The following PRRX1 variants were observed in gnomAD, a reference collection of about 807,000 sequenced individuals.
PRRX1 encodes the protein paired mesoderm homeobox protein 1.
In PRRX1, 8 loss-of-function variants were observed where a neutral mutation model predicts 24.0. The ratio of observed to expected loss-of-function variants is 0.33; its 90% CI spans 0.20 to 0.60. The LOEUF is 0.60. Among genes scored for constraint, PRRX1 ranks in the 20% least tolerant of loss-of-function variants. The pLI is 0.82. For synonymous variants in PRRX1, 160 were observed against 131.7 expected (o/e 1.22, Z -1.47); for missense variants, 281 against 322.4 (o/e 0.87, Z 0.98).
chr1:170,697,974 C>G (rs1371171694), intron 1 of PRRX1, among the ~76,000 whole-genome samples: 1 of 151,646 alleles, frequency 6.6e-6, no homozygotes, highest in African/African-American at 2.4e-5. Context: ...ACCTCCCCAT[C>G]ATCATCATCT....
chr1:170,701,933 T>C (rs1329973691), intron 1 of PRRX1, among the ~76,000 whole-genome samples: 2 of 151,334 alleles, frequency 1.3e-5, no homozygotes, highest in Admixed American at 1.3e-4. Flanking sequence ...GATAGCACTA[T>C]AGAACAACAG....
At chr1:170,666,051 C>A (rs1652914561) in intron 1 of PRRX1, among the ~76,000 whole-genome samples, 2 of 152,234 alleles carry the variant, frequency 1.3e-5, no homozygotes, top group Non-Finnish European at 2.9e-5. Context: ...CATAGGCACT[C>A]TTAGTTCTAA....
At chr1:170,671,240 T>C (rs1217583578) in intron 1 of PRRX1, among the ~76,000 whole-genome samples, 2 of 152,208 alleles carry the variant, frequency 1.3e-5, no homozygotes, top group South Asian at 2.1e-4. Context: ...AAAGTTGACA[T>C]AGGAGTCGGA....
At chr1:170,734,472 T>G (rs1655542728) in intron 3 of PRRX1, among the ~76,000 whole-genome samples, 1 of 152,140 alleles carries the variant, frequency 6.6e-6, no homozygotes, top group Non-Finnish European at 1.5e-5. Context: ...AATTATTAAC[T>G]AAACTTGAAT....
chr1:170,704,098 A>G (rs1285050144), intron 1 of PRRX1, among the ~76,000 whole-genome samples: 1 of 152,258 alleles, frequency 6.6e-6, no homozygotes, highest in African/African-American at 2.4e-5. Flanking sequence ...GTTAAACTAG[A>G]TAAATATAAC....
chr1:170,695,499 G>T (rs1361217605), intron 1 of PRRX1, among the ~76,000 whole-genome samples: 1 of 152,250 alleles, frequency 6.6e-6, no homozygotes, highest in South Asian at 2.1e-4. Flanking sequence ...AATTGTCCAG[G>T]GGTAGAAAGG....
Position 170,668,620 on chromosome 1 carries a change from C to A in PRRX1, c.241+4161C>A, listed in dbSNP as rs569883343. On this transcript the variant is annotated intron_variant, in intron 1 of 3. Transcript: ENST00000239461. ...AATTGCTTGCCCAATCTACCAGCCA[C>A]ACTCTCTCGGGACCTTGCCCCGCCA... is the stretch of plus-strand genomic sequence containing the variant. 7 of 152,358 alleles carry A rather than the reference C, an allele frequency of 4.6e-5. No homozygotes were observed. In the South Asian group the frequency reaches 1.2e-3, roughly 27 times the overall value. 9.4% of individuals were successfully genotyped at this position (152,358 alleles called of 1,614,324 possible). A position where few individuals can be genotyped will look rare whatever the true frequency, so the allele number is the denominator to read the frequency against.
Position 170,709,051 on chromosome 1 carries a change from G to A in PRRX1, c.242-10675G>A, listed in dbSNP as rs145090410. ...ATATGGAAGACTAATGTCAGGTGCC[G>A]GGATAGCACAGTTAACAAGTCAGGT... On this transcript the variant is annotated intron_variant, in intron 1 of 3. Transcript: ENST00000239461. 8.9e-4 allele frequency among the ~76,000 whole-genome samples: 135 copies of A among 152,266 alleles called. 3 individuals carry two copies. Among genetic ancestry groups the A allele is most frequent in the Non-Finnish European group, 8.5e-4 (58 of 68,030 alleles).
intron 1 of PRRX1, among the ~76,000 whole-genome samples, chr1:170,671,387 T>A (rs975637959): frequency 6.6e-6 from 1 of 152,248 alleles, no homozygotes; most frequent in African/African-American, 2.4e-5. Flanking sequence ...GTGTGGTCTC[T>A]GCCTCGGCAA....
intron 3 of PRRX1, among the ~76,000 whole-genome samples, chr1:170,734,833 T>C (rs1230593644): frequency 6.6e-6 from 1 of 152,198 alleles, no homozygotes; most frequent in African/African-American, 2.4e-5. Context: ...TTATGAGTTT[T>C]GACTCCGTGG....
intron 1 of PRRX1, among the ~76,000 whole-genome samples, chr1:170,709,413 G>C (rs1260203019): frequency 6.6e-6 from 1 of 152,162 alleles, no homozygotes; most frequent in Non-Finnish European, 1.5e-5. Context: ...AACTAGAGTG[G>C]AGTGATTGGG....
rs760448348 is a variant in PRRX1, at chr1:170,736,129, G to C, written c.681G>C (p.Leu227=). Residue 227 remains leucine, a synonymous_variant, in exon 4 of 4, where the codon CTG becomes CTC. Coordinates refer to ENST00000239461, the MANE Select transcript of PRRX1 (RefSeq NM_022716.4). ...GINMANSIAN[L]RLKAKEYSLQ... ...ACATGGCCAACAGCATTGCCAACCT[G>C]AGACTGAAGGCCAAGGAATATAGTT... 1 of 1,614,152 alleles carries C rather than the reference G, an allele frequency of 6.2e-7. No homozygotes were observed. The highest frequency in any genetic ancestry group is 8.5e-7 in the Non-Finnish European group (1 of 1,180,024).
chr1:170,699,187 CAG>C (rs1349820606), intron 1 of PRRX1, among the ~76,000 whole-genome samples: 1 of 152,190 alleles, frequency 6.6e-6, no homozygotes, highest in Non-Finnish European at 1.5e-5. Context: ...GCTTTCCTGA[CAG>C]AGCACTTTCT....
intron 1 of PRRX1, among the ~76,000 whole-genome samples, chr1:170,706,798 C>G (rs1011897420): frequency 3.3e-5 from 5 of 152,096 alleles, no homozygotes; most frequent in South Asian, 2.1e-4. Context: ...AAGCTTAGTG[C>G]CATTTGGTCT....
At chr1:170,682,640 T>A (rs1653592919) in intron 1 of PRRX1, among the ~76,000 whole-genome samples, 1 of 152,284 alleles carries the variant, frequency 6.6e-6, no homozygotes, top group African/African-American at 2.4e-5. Context: ...TTGGCAAATG[T>A]GTCTTGAGTA....
chr1:170,667,479 AG>A (rs1302655697), intron 1 of PRRX1: 1 of 152,242 alleles, frequency 6.6e-6, no homozygotes, highest in Non-Finnish European at 1.5e-5. Context: ...GCAAGCGTCC[AG>A]GGGAACCCGC....
At chr1:170,685,953 T>C (rs1004691349) in intron 1 of PRRX1, among the ~76,000 whole-genome samples, 2 of 152,032 alleles carry the variant, frequency 1.3e-5, no homozygotes, top group African/African-American at 4.8e-5. Context: ...GCAAATTCAA[T>C]TGGACATATA....
chr1:170,678,208 T>A (rs1653387420), intron 1 of PRRX1, among the ~76,000 whole-genome samples: 1 of 152,264 alleles, frequency 6.6e-6, no homozygotes, highest in Non-Finnish European at 1.5e-5. Context: ...TGACCTGTTT[T>A]CATACATATT....
intron 1 of PRRX1, chr1:170,669,111 G>A (rs1221630443): frequency 2.0e-5 from 3 of 151,902 alleles, no homozygotes. Flanking sequence ...TTGAAGTGTG[G>A]GGAGACAGGC....
Sources: gnomAD v4.1 joint callset for allele counts (sites outside exome capture counted in the v4.1 genomes callset) on GRCh38, gnomAD v4.1.1 for gene constraint, MANE v1.5 for transcripts, NCBI Gene and HGNC (gene_info 2026-07-23, HGNC 2026-07-21) for gene names.